The following ETS1 variants were observed in gnomAD, a reference collection of about 807,000 sequenced individuals.
ETS1 encodes the protein protein C-ets-1.
In ETS1, 15 loss-of-function variants were observed where a neutral mutation model predicts 58.6. The ratio of observed to expected loss-of-function variants is 0.26; its 90% confidence interval spans 0.17 to 0.39. The LOEUF is 0.39. Among genes scored for constraint, ETS1 ranks in the 10% least tolerant of loss-of-function variants. ETS1 has a pLI of 1.00. For missense variants in ETS1, 417 were observed against 610.5 expected (o/e 0.68, Z 3.34); for synonymous variants, 214 against 218.2 (o/e 0.98, Z 0.17).
chr11:128,552,068 G>T (rs1347273059), intron 3 of ETS1, among the ~76,000 whole-genome samples: 2 of 152,032 alleles, frequency 1.3e-5, no homozygotes, highest in Non-Finnish European at 2.9e-5. Context: ...TACGGCTCGA[G>T]ATTTTGCATT....
At chr11:128,576,457 G>A (rs1372948384) in intron 1 of ETS1, among the ~76,000 whole-genome samples, 1 of 79,366 alleles carries the variant, frequency 1.3e-5, no homozygotes, top group Non-Finnish European at 2.4e-5. Context: ...CATTGCACAC[G>A]TTTATTGCAT....
At chr11:128,542,635 G>A (rs979456022) in intron 3 of ETS1, among the ~76,000 whole-genome samples, 1 of 152,102 alleles carries the variant, frequency 6.6e-6, no homozygotes, top group Non-Finnish European at 1.5e-5. Flanking sequence ...GTGATTGGTA[G>A]CTGATAGTGA....
intron 3 of ETS1, among the ~76,000 whole-genome samples, chr11:128,510,294 G>C (rs779195936): frequency 3.3e-5 from 5 of 152,160 alleles, no homozygotes; most frequent in Admixed American, 2.0e-4. Flanking sequence ...CTCAAAGAAA[G>C]GCAGCTCACT....
At chr11:128,576,430 A>C (rs1380152520) in intron 1 of ETS1, among the ~76,000 whole-genome samples, 1 of 151,300 alleles carries the variant, frequency 6.6e-6, no homozygotes, top group Non-Finnish European at 1.5e-5. Context: ...CATCAGCTGC[A>C]CCAACTTTTT....
chr11:128,580,348 T>C (rs532335675), intron 1 of ETS1, among the ~76,000 whole-genome samples: 1 of 152,242 alleles, frequency 6.6e-6, no homozygotes, highest in African/African-American at 2.4e-5. Flanking sequence ...TCTTTCTGAT[T>C]CTCATGAGTA....
intron 2 of ETS1, among the ~76,000 whole-genome samples, chr11:128,566,644 A>G (rs773972456): frequency 5.9e-5 from 9 of 152,024 alleles, no homozygotes; most frequent in Admixed American, 1.3e-4. Flanking sequence ...TTAGCTGGGC[A>G]CGGTGGTGGG....
chr11:128,528,987 A>G (rs953561371), intron 3 of ETS1: 4 of 152,224 alleles, frequency 2.6e-5, no homozygotes, highest in African/African-American at 9.6e-5. Flanking sequence ...GACGTTTTAT[A>G]CATCACGCTA....
At chr11:128,538,310 A>AG (rs762097908) in intron 3 of ETS1, among the ~76,000 whole-genome samples, 18 of 152,246 alleles carry the variant, frequency 1.2e-4, no homozygotes, top group Admixed American at 2.6e-4. Flanking sequence ...TCAGGAGGTA[A>AG]GGGGGGGCGT....
intron 8 of ETS1, among the ~76,000 whole-genome samples, chr11:128,474,538 G>A (rs1047247637): frequency 3.9e-5 from 6 of 152,166 alleles, no homozygotes; most frequent in Non-Finnish European, 5.9e-5. Flanking sequence ...AAAGAGCTTT[G>A]CCTCCCAACC....
At chr11:128,482,985 T>C (rs911603943) in intron 7 of ETS1, among the ~76,000 whole-genome samples, 5 of 152,230 alleles carry the variant, frequency 3.3e-5, no homozygotes, top group Non-Finnish European at 5.9e-5. Context: ...AATACTGTAC[T>C]ATGGTTAGTA....
intron 3 of ETS1, among the ~76,000 whole-genome samples, chr11:128,500,695 TAAGAATACGC>T (rs1565383697): frequency 6.6e-6 from 1 of 152,116 alleles, no homozygotes; most frequent in Admixed American, 6.5e-5. Context: ...CAATGAAAAA[TAAGAATACGC>T]AAGTCCATTT....
chr11:128,572,983 G>A, intron 2 of ETS1, 79 bp downstream of exon 2: 1 of 1,126,294 alleles, frequency 8.9e-7, no homozygotes, highest in East Asian at 2.6e-5. Context: ...CTGTCTACTG[G>A]GGGTCAGGAT....
At chr11:128,512,979 G>A (rs890407305) in intron 3 of ETS1, among the ~76,000 whole-genome samples, 8 of 152,238 alleles carry the variant, frequency 5.3e-5, no homozygotes, top group African/African-American at 1.7e-4. Flanking sequence ...GCTGCCTTCC[G>A]CTGCAACTGC....
At chr11:128,555,035 A>G (rs868035930) in intron 3 of ETS1, among the ~76,000 whole-genome samples, 1 of 152,182 alleles carries the variant, frequency 6.6e-6, no homozygotes, top group African/African-American at 2.4e-5. Flanking sequence ...AGAAAGTGAC[A>G]GCATAAATAT....
At chr11:128,506,475 A>G (rs1863237123) in intron 3 of ETS1, among the ~76,000 whole-genome samples, 1 of 152,284 alleles carries the variant, frequency 6.6e-6, no homozygotes, top group East Asian at 1.9e-4. Context: ...TGCTGGGATC[A>G]CGGCTGAAGC....
intron 3 of ETS1, among the ~76,000 whole-genome samples, chr11:128,507,721 C>T (rs748322250): frequency 1.3e-5 from 2 of 152,158 alleles, no homozygotes; most frequent in Non-Finnish European, 2.9e-5. Context: ...CTTTTTCTGT[C>T]TTGAATCTTA....
chr11:128,527,055 T>C (rs1863814304), intron 3 of ETS1: 2 of 442,582 alleles, frequency 4.5e-6, no homozygotes, highest in Non-Finnish European at 9.1e-6. Context: ...CCAGACACCC[T>C]TGAGACACAA....
chr11:128,535,434 A>G (rs551717063), intron 3 of ETS1, among the ~76,000 whole-genome samples: 9 of 152,170 alleles, frequency 5.9e-5, no homozygotes, highest in Non-Finnish European at 1.3e-4. Flanking sequence ...TCATTTAATT[A>G]GATTCCATTT....
chr11:128,532,889 A>G (rs753827696), intron 3 of ETS1, among the ~76,000 whole-genome samples: 35 of 152,240 alleles, frequency 2.3e-4, no homozygotes, highest in Admixed American at 3.9e-4. Context: ...ATCTCCCTCT[A>G]TTAAAACCAC....
Sources: gnomAD v4.1 joint callset for allele counts (sites outside exome capture counted in the v4.1 genomes callset) on GRCh38, gnomAD v4.1.1 for gene constraint, MANE v1.5 for transcripts, NCBI Gene and HGNC (gene_info 2026-07-23, HGNC 2026-07-21) for gene names.